FIGN: variants seen among roughly 807,000 people sequenced by gnomAD.
FIGN encodes the protein fidgetin.
A neutral mutation model predicts 51.3 loss-of-function variants in FIGN; 11 were observed. The ratio of observed to expected loss-of-function variants is 0.21; its 90% confidence interval spans 0.13 to 0.35. The LOEUF is 0.35. FIGN is among the 10% of genes least tolerant of loss of function. The pLI is 1.00. For missense variants in FIGN, 857 were observed against 943.6 expected (o/e 0.91, Z 1.20); for synonymous variants, 407 against 363.2 (o/e 1.12, Z -1.37).
chr2:163,639,164 T>C (rs1286287659), intron 2 of FIGN, among the ~76,000 whole-genome samples: 1 of 152,170 alleles, frequency 6.6e-6, no homozygotes, highest in Non-Finnish European at 1.5e-5. Flanking sequence ...ATAAAAGTTA[T>C]TATAGTGACT....
At chr2:163,720,086 C>T (rs769998654) in intron 2 of FIGN, among the ~76,000 whole-genome samples, 1 of 152,006 alleles carries the variant, frequency 6.6e-6, no homozygotes, top group Non-Finnish European at 1.5e-5. Flanking sequence ...ATATCTGGAC[C>T]GGGTTATTAC....
At chr2:163,632,683 A>G (rs973040916) in intron 2 of FIGN, among the ~76,000 whole-genome samples, 1 of 152,198 alleles carries the variant, frequency 6.6e-6, no homozygotes. Context: ...CCACAAGCAC[A>G]CTATGTTACT....
chr2:163,632,136 G>A (rs929141903), intron 2 of FIGN, among the ~76,000 whole-genome samples: 2 of 152,082 alleles, frequency 1.3e-5, no homozygotes, highest in South Asian at 2.1e-4. Context: ...CAAGAAGAGC[G>A]AAACTCCATC....
chr2:163,657,301 C>T (rs568742171), intron 2 of FIGN, among the ~76,000 whole-genome samples: 5 of 152,218 alleles, frequency 3.3e-5, no homozygotes, highest in African/African-American at 1.2e-4. Context: ...TTTTAGGAAG[C>T]CTCCTCGCTC....
intron 2 of FIGN, among the ~76,000 whole-genome samples, chr2:163,664,588 T>C (rs1683743747): frequency 6.6e-6 from 1 of 152,226 alleles, no homozygotes; most frequent in South Asian, 2.1e-4. Context: ...TAAAGCATCA[T>C]TTCTTTTCCT....
At chr2:163,685,641 T>C (rs536178774) in intron 2 of FIGN, among the ~76,000 whole-genome samples, 1 of 152,318 alleles carries the variant, frequency 6.6e-6, no homozygotes, top group South Asian at 2.1e-4. Context: ...CCAGACTTCT[T>C]CTAGGTCAAT....
chr2:163,626,893 A>G (rs1399322440), intron 2 of FIGN, among the ~76,000 whole-genome samples: 2 of 152,148 alleles, frequency 1.3e-5, no homozygotes, highest in Non-Finnish European at 2.9e-5. Context: ...ATTATAATAC[A>G]TTAGAATGCT....
intron 2 of FIGN, among the ~76,000 whole-genome samples, chr2:163,728,714 G>T (rs1034824664): frequency 1.3e-5 from 2 of 152,116 alleles, no homozygotes; most frequent in African/African-American, 2.4e-5. Flanking sequence ...AAGTCTGTAG[G>T]TGGTGAAGGC....
At chr2:163,619,488 G>A (rs1453141985) in intron 2 of FIGN, among the ~76,000 whole-genome samples, 1 of 152,194 alleles carries the variant, frequency 6.6e-6, no homozygotes, top group East Asian at 1.9e-4. Flanking sequence ...TCTCTACAAT[G>A]CATTAAATTG....
intron 2 of FIGN, among the ~76,000 whole-genome samples, chr2:163,688,906 A>G (rs1684195603): frequency 6.6e-6 from 1 of 152,180 alleles, no homozygotes; most frequent in Admixed American, 6.6e-5. Flanking sequence ...GCAGTGGCTC[A>G]TGCCTGTAAT....
intron 2 of FIGN, among the ~76,000 whole-genome samples, chr2:163,734,557 CAAA>C (rs34286375): frequency 1.9e-5 from 2 of 102,872 alleles, no homozygotes; most frequent in African/African-American, 7.4e-5. Context: ...CTCCCTCCTT[CAAA>C]AAAAAAAAAA....
intron 2 of FIGN, among the ~76,000 whole-genome samples, chr2:163,705,879 C>A (rs898284758): frequency 6.6e-6 from 1 of 152,066 alleles, no homozygotes. Context: ...CTAAAAACAA[C>A]GTCCATTTTA....
chr2:163,637,959 C>A (rs890761021), intron 2 of FIGN, among the ~76,000 whole-genome samples: 1 of 152,140 alleles, frequency 6.6e-6, no homozygotes, highest in Non-Finnish European at 1.5e-5. Context: ...CTCCAATAGA[C>A]AGTCATCTGC....
Position 163,609,777 on chromosome 2 carries a change from T to G in FIGN, c.2055A>C (p.Thr685=), listed in dbSNP as rs574683712. 5 of 1,614,172 alleles carry G rather than the reference T, an allele frequency of 3.1e-6. No homozygotes were observed. In the South Asian group the frequency reaches 5.5e-5, roughly 18 times the overall value. The change falls in exon 3 of 3, where the codon ACA becomes ACC. Residue 685 remains threonine, a synonymous_variant. Coordinates refer to ENST00000333129, the MANE Select transcript of FIGN (RefSeq NM_018086.4). ...DKEFALLVQR[T]EGFSGLDVAH... is the part of the protein sequence containing the mutation. ...CCACATCTAGTCCAGAAAAGCCTTC[T>G]GTGCGCTGGACGAGCAGTGCAAACT...
At chr2:163,667,596 G>A (rs939580314) in intron 2 of FIGN, among the ~76,000 whole-genome samples, 30 of 152,168 alleles carry the variant, frequency 2.0e-4, no homozygotes, top group Non-Finnish European at 3.7e-4. Context: ...GCATATGCTA[G>A]TATCTCAGTC....
chr2:163,708,656 T>C (rs1386880504), intron 2 of FIGN, among the ~76,000 whole-genome samples: 1 of 152,168 alleles, frequency 6.6e-6, no homozygotes. Context: ...CAAATGCTTA[T>C]AATAGTCTTA....
chr2:163,718,082 G>A (rs1684697880), intron 2 of FIGN, among the ~76,000 whole-genome samples: 1 of 152,070 alleles, frequency 6.6e-6, no homozygotes, highest in African/African-American at 2.4e-5. Context: ...AGTGTGTCAA[G>A]GATTCATGGT....
intron 2 of FIGN, among the ~76,000 whole-genome samples, chr2:163,698,824 A>G (rs1236686498): frequency 6.6e-6 from 1 of 152,158 alleles, no homozygotes; most frequent in Non-Finnish European, 1.5e-5. Flanking sequence ...GTAATATGTC[A>G]TGAAAATCAT....
In FIGN at chr2:163,712,764, A is replaced by C. The variant is rs528115974; in HGVS notation, c.25+22139T>G. On this transcript the variant is annotated intron_variant, in intron 2 of 2. Transcript: ENST00000333129. Reference sequence around the variant, plus strand: ...TACAATGTTAATGTAATCAAACATCAATCACATTATAGCAATTTTTATTTT... The same window carrying C: ...TACAATGTTAATGTAATCAAACATCCATCACATTATAGCAATTTTTATTTT... Among the ~76,000 whole-genome samples the C allele has an allele frequency of 1.5e-3, 236 of 152,328 alleles. 1 individual carries two copies. Among genetic ancestry groups the C allele is most frequent in the Middle Eastern group, 6.8e-3 (2 of 294 alleles).
Sources: gnomAD v4.1 joint callset for allele counts (sites outside exome capture counted in the v4.1 genomes callset) on GRCh38, gnomAD v4.1.1 for gene constraint, MANE v1.5 for transcripts, NCBI Gene and HGNC (gene_info 2026-07-23, HGNC 2026-07-21) for gene names.